The following AKAP13 variants were observed in gnomAD, a reference collection of about 807,000 sequenced individuals.
The protein encoded by AKAP13 is A-kinase anchoring protein 13, also known as A-kinase anchor protein 13.
AKAP13 carries 80 observed loss-of-function variants against 264.5 expected under a neutral mutation model. That is an observed-to-expected ratio of 0.30 (90% CI 0.25 to 0.36). The LOEUF is 0.36. AKAP13 is among the 10% of genes least tolerant of loss of function. The pLI, the probability that AKAP13 is intolerant of heterozygous loss-of-function variation, is 1.00. For missense variants in AKAP13, 3,712 were observed against 3,435.2 expected, an observed-to-expected ratio of 1.08 and a Z score of -2.01; for synonymous variants, 1,380 against 1,250.2, an observed-to-expected ratio of 1.10 and a Z score of -2.19.
intron 1 of AKAP13, among the ~76,000 whole-genome samples, chr15:85,438,288 C>G (rs1216641990): frequency 7.2e-6 from 1 of 138,278 alleles, no homozygotes; most frequent in Non-Finnish European, 1.5e-5. Flanking sequence ...TCAAGGAGAA[C>G]TACAAACCAC....
intron 8 of AKAP13, among the ~76,000 whole-genome samples, chr15:85,630,745 A>C (rs929443892): frequency 6.6e-6 from 1 of 152,234 alleles, no homozygotes; most frequent in African/African-American, 2.4e-5. Flanking sequence ...CAGGATGAGC[A>C]CCCATGTCAC....
chr15:85,403,005 GTTC>G (rs1487372340), intron 1 of AKAP13, among the ~76,000 whole-genome samples: 2 of 152,110 alleles, frequency 1.3e-5, no homozygotes, highest in Non-Finnish European at 2.9e-5. Flanking sequence ...AACGTTCATT[GTTC>G]TTAACTGCTT....
chr15:85,561,209 C>T (rs561388088), intron 5 of AKAP13, among the ~76,000 whole-genome samples: 3 of 152,102 alleles, frequency 2.0e-5, no homozygotes, highest in Non-Finnish European at 4.4e-5. Flanking sequence ...AGGCGCCCGC[C>T]ACCACACCTG....
chr15:85,526,395 C>T lies in AKAP13; in HGVS notation c.181+4820C>T, dbSNP rs77041485. ...ATACCTCAGCCTCCCAAGTAGCACT[C>T]ACCATCGTAAGTGGCACGTGTGTGT... On this transcript the variant is annotated intron_variant, in intron 3 of 36. Transcript: ENST00000394518. Among the ~76,000 whole-genome samples the T allele has an allele frequency of 1.2e-3, 181 of 152,184 alleles. 1 individual carries two copies. Among genetic ancestry groups the T allele is most frequent in the South Asian group, 2.9e-3 (14 of 4,828 alleles).
intron 3 of AKAP13, among the ~76,000 whole-genome samples, chr15:85,523,426 T>A (rs1596416919): frequency 6.6e-6 from 1 of 152,292 alleles, no homozygotes; most frequent in Non-Finnish European, 1.5e-5. Context: ...GTGTGTTCCC[T>A]TCCTTCAGGC....
At chr15:85,638,635 G>C (rs1198142233) in intron 8 of AKAP13, among the ~76,000 whole-genome samples, 1 of 152,092 alleles carries the variant, frequency 6.6e-6, no homozygotes, top group South Asian at 2.1e-4. Context: ...GGGTTGGGAG[G>C]TGTAAAGGCA....
intron 1 of AKAP13, among the ~76,000 whole-genome samples, chr15:85,399,365 G>A (rs983904047): frequency 1.3e-5 from 2 of 148,484 alleles, no homozygotes; most frequent in African/African-American, 2.5e-5. Context: ...GCGCGGTGGC[G>A]GGCGCCTGTA....
intron 6 of AKAP13, 123 bp downstream of exon 6, chr15:85,575,452 G>A: frequency 1.0e-6 from 1 of 974,534 alleles, no homozygotes; most frequent in Non-Finnish European, 1.6e-6. Flanking sequence ...CTTTCCTGGT[G>A]GGAGGCTGAG....
chr15:85,410,138 T>C (rs749512184), intron 1 of AKAP13, among the ~76,000 whole-genome samples: 3 of 151,676 alleles, frequency 2.0e-5, no homozygotes, highest in Non-Finnish European at 2.9e-5. Flanking sequence ...TAGTATCTTT[T>C]GAGTAATGTC....
At chr15:85,475,724 C>T (rs1315694241) in intron 1 of AKAP13, among the ~76,000 whole-genome samples, 1 of 152,196 alleles carries the variant, frequency 6.6e-6, no homozygotes, top group East Asian at 1.9e-4. Context: ...ACCAGTTTAA[C>T]CTTCTGGGGC....
At chr15:85,572,911 CAT>C (rs1175659811) in intron 5 of AKAP13, among the ~76,000 whole-genome samples, 3 of 152,156 alleles carry the variant, frequency 2.0e-5, no homozygotes, top group East Asian at 3.8e-4. Flanking sequence ...TGAGTGAAAA[CAT>C]GTGGTGTTTG....
chr15:85,488,481 A>G (rs2075632950), intron 2 of AKAP13, among the ~76,000 whole-genome samples: 1 of 152,228 alleles, frequency 6.6e-6, no homozygotes. Context: ...GCTTCCCCAA[A>G]TTTATTCACT....
chr15:85,726,269 G>T (rs949079137), intron 26 of AKAP13, 141 bp from the exon 27 acceptor site: 15 of 580,230 alleles, frequency 2.6e-5, no homozygotes, highest in Admixed American at 9.9e-5. Flanking sequence ...TTGCTTTGGA[G>T]GAGTGTGATC....
intron 8 of AKAP13, among the ~76,000 whole-genome samples, chr15:85,618,120 G>A (rs1439713322): frequency 6.6e-6 from 1 of 152,200 alleles, no homozygotes; most frequent in Non-Finnish European, 1.5e-5. Flanking sequence ...AATAAAGCCT[G>A]TATGTAGCTG....
chr15:85,626,578 T>G (rs911269799), intron 8 of AKAP13, among the ~76,000 whole-genome samples: 5 of 152,264 alleles, frequency 3.3e-5, no homozygotes, highest in Non-Finnish European at 5.9e-5. Context: ...TGTCAGAATT[T>G]CCTTTCTAAG....
chr15:85,521,935 T>C (rs904617388), intron 3 of AKAP13, among the ~76,000 whole-genome samples: 1 of 152,210 alleles, frequency 6.6e-6, no homozygotes, highest in African/African-American at 2.4e-5. Context: ...AGGTATATTA[T>C]TGCCAAATTT....
In AKAP13 at chr15:85,575,340, A is replaced by G; in HGVS notation, c.861+11A>G. On this transcript the variant is annotated intron_variant, in intron 6 of 36. Transcript: ENST00000394518. ...CAACAGCAACTAATGGTAAGTCAGA[A>G]AGCTTTTATTTTTAAGTATATGCAT... is the stretch of plus-strand genomic sequence containing the variant. 6.2e-7 allele frequency: 1 copy of G among 1,613,196 alleles called. No individual in the cohort carries two copies. Among genetic ancestry groups the G allele is most frequent in the South Asian group, 1.1e-5 (1 of 91,056 alleles).
chr15:85,684,622 C>A, intron 15 of AKAP13, 119 bp from the exon 16 acceptor site: 1 of 1,021,612 alleles, frequency 9.8e-7, no homozygotes, highest in South Asian at 1.8e-5. Context: ...AGAACCTGGG[C>A]GTTGTGGCAT....
intron 8 of AKAP13, among the ~76,000 whole-genome samples, chr15:85,618,120 G>T (rs1439713322): frequency 1.3e-5 from 2 of 152,200 alleles, no homozygotes; most frequent in African/African-American, 4.8e-5. Context: ...AATAAAGCCT[G>T]TATGTAGCTG....
Sources: allele counts gnomAD v4.1 joint callset (sites outside exome capture counted in the v4.1 genomes callset), GRCh38; gene constraint gnomAD v4.1.1; transcripts MANE v1.5; gene names NCBI Gene and HGNC (gene_info 2026-07-23, HGNC 2026-07-21).